Variants in TRIM49D1 observed in about 807,000 individuals in gnomAD.
TRIM49D1 encodes tripartite motif-containing protein 49D.
intron 1 of TRIM49D1, among the ~76,000 whole-genome samples, chr11:89,921,272 T>C (rs1015238470): frequency 6.6e-6 from 1 of 152,030 alleles, no homozygotes; most frequent in Non-Finnish European, 1.5e-5. Flanking sequence ...TGACTAGAAA[T>C]GCAATATAGT....
rs184256072 is a variant in TRIM49D1 at position 89,921,413 on chromosome 11, A to G, written c.-216+439T>C. The stretch of plus-strand genomic sequence containing the variant: ...TTTGTTGTCATGTGACAATTTAAAA[A>G]AGAAAAGAGATTTAAGAAGCGGCTA... On this transcript the variant is annotated intron_variant, in intron 1 of 7. Transcript: ENST00000420869. Among the ~76,000 whole-genome samples the G allele has an allele frequency of 5.4e-3, 816 of 152,176 alleles. 19 individuals carry two copies. The highest frequency in any genetic ancestry group is 0.019 in the African/African-American group (767 of 41,458).
chr11:89,920,911 A>T (rs1265816072), intron 1 of TRIM49D1, among the ~76,000 whole-genome samples: 1 of 151,918 alleles, frequency 6.6e-6, no homozygotes, highest in Non-Finnish European at 1.5e-5. Context: ...GTTTTTTTAA[A>T]ACTTTTCATA....
At chr11:89,920,593 GATTAA>G (rs1950325620) in intron 1 of TRIM49D1, 84 bp from the exon 2 acceptor site, 1 of 315,672 alleles carries the variant, frequency 3.2e-6, no homozygotes, top group South Asian at 6.5e-5. Flanking sequence ...TTGCACCGCT[GATTAA>G]ATTATCATCA....
At chr11:89,921,222 T>C (rs577256717) in intron 1 of TRIM49D1, among the ~76,000 whole-genome samples, 2 of 152,196 alleles carry the variant, frequency 1.3e-5, no homozygotes, top group African/African-American at 2.4e-5. Flanking sequence ...CGAGTTATTA[T>C]TTTAATGCTT....
chr11:89,912,421 G>A (rs1401019398), intron 7 of TRIM49D1, among the ~76,000 whole-genome samples: 1 of 149,518 alleles, frequency 6.7e-6, no homozygotes, highest in African/African-American at 2.4e-5. Context: ...ATGCTATGCT[G>A]TTATCAAGAT....
In TRIM49D1 at chr11:89,911,438, AC is replaced by A; in HGVS notation, c.*148del. 1 of 1,370,926 alleles carries A rather than the reference AC, an allele frequency of 7.3e-7. No individual in the cohort carries two copies. Among genetic ancestry groups the A allele is most frequent in the South Asian group, 1.3e-5 (1 of 77,998 alleles). 84.9% of individuals were successfully genotyped at this position (1,370,926 alleles called of 1,614,324 possible). ...AGTGTTTTTACCACATTTAATAGTA[AC>A]ACAATAAATGAGTTTTAATAACATT... On this transcript the variant is annotated 3_prime_UTR_variant, in exon 8 of 8. Coordinates refer to ENST00000420869, the MANE Select transcript of TRIM49D1 (RefSeq NM_001384911.1).
At chr11:89,921,316 C>A (rs985639305) in intron 1 of TRIM49D1, among the ~76,000 whole-genome samples, 5 of 151,982 alleles carry the variant, frequency 3.3e-5, no homozygotes, top group Admixed American at 2.0e-4. Context: ...AGTTTTAGGA[C>A]GTAGGCTAAT....
At chr11:89,920,580 C>T (rs1950325534) in intron 1 of TRIM49D1, 71 bp from the exon 2 acceptor site, 1 of 287,950 alleles carries the variant, frequency 3.5e-6, no homozygotes, top group Non-Finnish European at 6.4e-6. Flanking sequence ...TTAGATCGCA[C>T]CTTTGCACCG....
intron 1 of TRIM49D1, among the ~76,000 whole-genome samples, 199 bp from the exon 2 acceptor site, chr11:89,920,708 A>T (rs1209912446): frequency 6.6e-6 from 1 of 152,014 alleles, no homozygotes; most frequent in Admixed American, 6.6e-5. Flanking sequence ...TATACTGTTT[A>T]TTGAGCTTCA....
intron 1 of TRIM49D1, among the ~76,000 whole-genome samples, chr11:89,921,265 C>G (rs1183375673): frequency 1.3e-5 from 2 of 151,888 alleles, no homozygotes; most frequent in Non-Finnish European, 2.9e-5. Flanking sequence ...TCTGCCATGA[C>G]TAGAAATGCA....
At chr11:89,921,542 T>C (rs1950332330) in intron 1 of TRIM49D1, 1 of 152,014 alleles carries the variant, frequency 6.6e-6, no homozygotes, top group Non-Finnish European at 1.5e-5. Context: ...CCTATGTCTG[T>C]CAAGGTTCAA....
At chr11:89,912,532 TA>T (rs1340733399) in intron 7 of TRIM49D1, among the ~76,000 whole-genome samples, 6 of 135,862 alleles carry the variant, frequency 4.4e-5, no homozygotes, top group Admixed American at 7.6e-5. Context: ...GATAACTGGG[TA>T]AAAATCCATA....
chr11:89,920,984 G>C (rs1474026287), intron 1 of TRIM49D1, among the ~76,000 whole-genome samples: 1 of 152,008 alleles, frequency 6.6e-6, no homozygotes, highest in Non-Finnish European at 1.5e-5. Context: ...GTAATCCTCT[G>C]GTCTTGGACT....
chr11:89,921,334 T>C (rs550158061), intron 1 of TRIM49D1, among the ~76,000 whole-genome samples: 9 of 152,172 alleles, frequency 5.9e-5, no homozygotes, highest in African/African-American at 2.2e-4. Context: ...AATTCACAAA[T>C]ACAGAATCCA....
intron 1 of TRIM49D1, among the ~76,000 whole-genome samples, chr11:89,920,829 C>T (rs1233109491): frequency 6.6e-6 from 1 of 151,932 alleles, no homozygotes; most frequent in African/African-American, 2.4e-5. Context: ...AATTCCAAGG[C>T]TCAAGGGATC....
Position 89,920,660 on chromosome 11 carries a change from A to T in TRIM49D1, c.-215-151T>A, listed in dbSNP as rs186153989. 3.3e-5 allele frequency among the ~76,000 whole-genome samples: 5 copies of T among 152,182 alleles called. No homozygotes were observed. The East Asian group carries it at 9.7e-4, about 29-fold the overall frequency. Reference sequence around the variant, plus strand: ...AATCATATGTAACATAAATCCTATCAGATTTGACATACACTGGAAATTAAC... The same window carrying T: ...AATCATATGTAACATAAATCCTATCTGATTTGACATACACTGGAAATTAAC... On this transcript the variant is annotated intron_variant, in intron 1 of 7. Transcript: ENST00000420869.
At position 89,922,155 on chromosome 11, in the gene TRIM49D1, C is replaced by A. The variant is rs972665141; in HGVS notation, c.-519G>T. ...CTGGTCTATGTGCCTATTTTTGTAC[C>A]AGTACCATGCTGTTTTGGTGATGAA... On this transcript the variant is annotated 5_prime_UTR_variant, in exon 1 of 8. Transcript: ENST00000420869. Among the ~76,000 whole-genome samples the A allele has an allele frequency of 1.3e-5, 2 of 151,804 alleles. No individual in the cohort carries two copies. The highest frequency in any genetic ancestry group is 4.9e-5 in the African/African-American group (2 of 41,200).
At position 89,920,431 on chromosome 11, in the gene TRIM49D1, C is replaced by T. The variant is rs1331303842; in HGVS notation, c.-137G>A. On this transcript the variant is annotated 5_prime_UTR_variant, in exon 2 of 8. Transcript: ENST00000420869. ...ACCAAAACACAGCTTCCTCTAAGTG[C>T]GCTCCTTCTCCTTTGGAGAAAACTG... 17 of 151,128 alleles carry T rather than the reference C, an allele frequency of 1.1e-4. No homozygotes were observed. The highest frequency in any genetic ancestry group is 2.0e-4 in the Non-Finnish European group (16 of 78,888). The allele number at this position is 151,128 out of a possible 1,614,324, so 9.4% of individuals were successfully genotyped here.
At chr11:89,920,254 G>C (rs1950323815) in intron 2 of TRIM49D1, 45 bp downstream of exon 2, 2 of 66,944 alleles carry the variant, frequency 3.0e-5, no homozygotes, top group South Asian at 6.5e-4. Context: ...TTATTATTTT[G>C]TAAAGGAAAG....
Sources: allele counts gnomAD v4.1 joint callset (sites outside exome capture counted in the v4.1 genomes callset), GRCh38; gene constraint gnomAD v4.1.1; transcripts MANE v1.5; gene names NCBI Gene and HGNC (gene_info 2026-07-23, HGNC 2026-07-21).